DESI1: variants seen among roughly 807,000 people sequenced by gnomAD.
DESI1 encodes desumoylating isopeptidase 1.
In DESI1, 17 loss-of-function variants were observed where a neutral mutation model predicts 22.4. That is an observed-to-expected ratio of 0.76 (90% CI 0.52 to 1.14). The LOEUF (loss-of-function observed/expected upper bound fraction) is 1.14. Among genes scored for constraint, DESI1 ranks in the 50% most tolerant of loss-of-function variants. DESI1 has a pLI of 0.00. For synonymous variants in DESI1, 92 were observed against 84.2 expected, an observed-to-expected ratio of 1.09 and a Z score of -0.51; for missense variants, 177 against 208.9, an observed-to-expected ratio of 0.85 and a Z score of 0.94.
intron 1 of DESI1, among the ~76,000 whole-genome samples, chr22:41,617,744 A>G (rs770490786): frequency 1.6e-4 from 25 of 152,262 alleles, no homozygotes; most frequent in Admixed American, 1.6e-3. Context: ...TCAGAATCTG[A>G]TGTGCCCAAT....
intron 1 of DESI1, among the ~76,000 whole-genome samples, chr22:41,617,706 GA>G (rs1268675660): frequency 2.0e-5 from 3 of 152,274 alleles, no homozygotes; most frequent in Admixed American, 1.3e-4. Flanking sequence ...GACAGAAGTA[GA>G]TTAGCACACA....
intron 1 of DESI1, among the ~76,000 whole-genome samples, chr22:41,616,413 C>T (rs1330182221): frequency 6.6e-6 from 1 of 152,098 alleles, no homozygotes; most frequent in Non-Finnish European, 1.5e-5. Flanking sequence ...ATCTTTAAGT[C>T]TGAAAACAGT....
chr22:41,607,838 A>G lies in DESI1; in HGVS notation c.110+2T>C, dbSNP rs1445560821. 9.9e-6 allele frequency: 16 copies of G among 1,614,228 alleles called. No homozygotes were observed. Among genetic ancestry groups the G allele is most frequent in the Non-Finnish European group, 1.4e-5 (16 of 1,180,026 alleles). Reference sequence around the variant, plus strand: ...CAAAGTAAGGAGACCCACCCAACTTACCAGATGCCTTCCAGTTGTTTCCCT... The same window carrying G: ...CAAAGTAAGGAGACCCACCCAACTTGCCAGATGCCTTCCAGTTGTTTCCCT... On this transcript the variant is annotated splice_donor_variant, in intron 2 of 5. Coordinates refer to ENST00000263256, the MANE Select transcript of DESI1 (RefSeq NM_015704.3). LOFTEE classifies it high-confidence loss of function.
chr22:41,620,658 C>T (rs2067583025), intron 1 of DESI1, 94 bp downstream of exon 1: 9 of 1,261,658 alleles, frequency 7.1e-6, no homozygotes, highest in Non-Finnish European at 1.0e-5. Flanking sequence ...ATGTGTCTCC[C>T]CGTGAGTCGT....
intron 5 of DESI1, among the ~76,000 whole-genome samples, chr22:41,601,397 A>G (rs1468789490): frequency 6.6e-6 from 1 of 152,208 alleles, no homozygotes; most frequent in Non-Finnish European, 1.5e-5. Flanking sequence ...TCTCCGAAAT[A>G]GCCTGCTCTG....
chr22:41,615,256 C>T (rs1393313726), intron 1 of DESI1, among the ~76,000 whole-genome samples: 3 of 145,128 alleles, frequency 2.1e-5, no homozygotes, highest in South Asian at 4.4e-4. Context: ...GGTGAAACCC[C>T]GTCTCTACTA....
intron 1 of DESI1, among the ~76,000 whole-genome samples, chr22:41,620,390 A>C (rs1368769776): frequency 6.6e-6 from 1 of 152,114 alleles, no homozygotes; most frequent in African/African-American, 2.4e-5. Flanking sequence ...CCAAGGAGGC[A>C]GGAGTGCACT....
rs1366240005 is a variant in DESI1, at chr22:41,601,004, C to G, written c.*93G>C. 7 of 1,201,818 alleles carry G rather than the reference C, an allele frequency of 5.8e-6. No homozygotes were observed. The highest frequency in any genetic ancestry group is 6.0e-6 in the Non-Finnish European group (5 of 836,730). The allele number at this position is 1,201,818 out of a possible 1,614,324, so 74.4% of individuals were successfully genotyped here. A position where few individuals can be genotyped will look rare whatever the true frequency, so the allele number is the denominator to read the frequency against. On this transcript the variant is annotated 3_prime_UTR_variant, in exon 6 of 6. Transcript: ENST00000263256. ...AAAAGCCGTCCCCTGGTTGTTAGCTCTGATGTAAAATTATAAAATAGAAAT... is the reference window on the plus strand; with the variant it reads ...AAAAGCCGTCCCCTGGTTGTTAGCTGTGATGTAAAATTATAAAATAGAAAT...
chr22:41,614,246 C>G (rs2067536181), intron 1 of DESI1, among the ~76,000 whole-genome samples: 1 of 151,830 alleles, frequency 6.6e-6, no homozygotes, highest in Non-Finnish European at 1.5e-5. Flanking sequence ...CCATGCTGGC[C>G]AGGCTGGTCT....
Position 41,607,284 on chromosome 22 carries a change from C to A in DESI1, c.158G>T (p.Gly53Val), listed in dbSNP as rs1407880504. Residue 53 changes from glycine to valine, a missense_variant, in exon 3 of 6, where the codon GGT becomes GTT. Gly to Val is a moderately radical substitution (Grantham distance 109, BLOSUM62 -3). Coordinates refer to ENST00000263256, the MANE Select transcript of DESI1 (RefSeq NM_015704.3). ...VHKDEFFFGS[G>V]GISSCPPGGT... ...CACCGGGGGGCAGCTGGAGATACCA[C>A]CACTGCCGAAGAAGAACTCATCCTT... 5.6e-6 allele frequency: 9 copies of A among 1,612,122 alleles called. No individual in the cohort carries two copies. The highest frequency in any genetic ancestry group is 6.8e-6 in the Non-Finnish European group (8 of 1,179,054).
At chr22:41,617,149 G>T (rs950515356) in intron 1 of DESI1, among the ~76,000 whole-genome samples, 1 of 152,184 alleles carries the variant, frequency 6.6e-6, no homozygotes, top group African/African-American at 2.4e-5. Flanking sequence ...TTAAAGGAAC[G>T]TATTACACAG....
At chr22:41,609,068 A>G (rs933966422) in intron 1 of DESI1, among the ~76,000 whole-genome samples, 1 of 152,028 alleles carries the variant, frequency 6.6e-6, no homozygotes, top group Admixed American at 6.6e-5. Flanking sequence ...CAGCCTCCCA[A>G]GTAGCTGGGA....
intron 3 of DESI1, among the ~76,000 whole-genome samples, chr22:41,605,267 C>G (rs1455878204): frequency 6.6e-6 from 1 of 152,144 alleles, no homozygotes. Flanking sequence ...GCCCTATCAC[C>G]ATCATAGGGC....
chr22:41,614,479 C>T (rs543784546), intron 1 of DESI1, among the ~76,000 whole-genome samples: 27 of 151,788 alleles, frequency 1.8e-4, no homozygotes, highest in African/African-American at 6.0e-4. Context: ...AGTGCAGTGG[C>T]GTGATCTCGG....
chr22:41,607,429 G>T, intron 2 of DESI1, 98 bp from the exon 3 acceptor site: 1 of 1,140,508 alleles, frequency 8.8e-7, no homozygotes, highest in Non-Finnish European at 1.2e-6. Flanking sequence ...CCCAAGGATA[G>T]GACTGTGGGG....
At position 41,607,523 on chromosome 22, in the gene DESI1, C is replaced by T. The variant is rs989761339; in HGVS notation, c.111-192G>A. Among the ~76,000 whole-genome samples, 5 of 152,158 alleles carry T rather than the reference C, an allele frequency of 3.3e-5. No individual in the cohort carries two copies. In the East Asian group the frequency reaches 7.7e-4, roughly 23 times the overall value. On this transcript the variant is annotated intron_variant, in intron 2 of 5. Transcript: ENST00000263256. The stretch of plus-strand genomic sequence containing the variant: ...GGCTTCTCAATCTTGGCACTATTGA[C>T]ATTTGAGGCTGGATACTTCTTTGTT...
At chr22:41,608,667 A>G (rs1237848478) in intron 1 of DESI1, among the ~76,000 whole-genome samples, 1 of 152,156 alleles carries the variant, frequency 6.6e-6, no homozygotes, top group African/African-American at 2.4e-5. Context: ...CTGGACTCAA[A>G]GAGGCTGTGA....
intron 4 of DESI1, 120 bp from the exon 5 acceptor site, chr22:41,603,501 G>A (rs1423900457): frequency 6.9e-6 from 10 of 1,459,852 alleles, no homozygotes; most frequent in South Asian, 5.1e-5. Context: ...GATTTCCCCC[G>A]TCTCATACAC....
Position 41,620,883 on chromosome 22 carries a change from G to A in DESI1, c.-44C>T, listed in dbSNP as rs1383314377. 1.3e-6 allele frequency: 2 copies of A among 1,579,364 alleles called. No homozygotes were observed. Among genetic ancestry groups the A allele is most frequent in the East Asian group, 2.4e-5 (1 of 42,510 alleles). The stretch of plus-strand genomic sequence containing the variant: ...CGGCCACGACGGCCCTCGGGCACCC[G>A]GCAGCGGCTTGGACCTTCCCGTACC... On this transcript the variant is annotated 5_prime_UTR_variant, in exon 1 of 6. Transcript: ENST00000263256.
Sources: allele counts gnomAD v4.1 joint callset (sites outside exome capture counted in the v4.1 genomes callset), GRCh38; gene constraint gnomAD v4.1.1; transcripts MANE v1.5; gene names NCBI Gene and HGNC (gene_info 2026-07-23, HGNC 2026-07-21).